MRC1: variants seen among roughly 807,000 people sequenced by gnomAD.
MRC1 encodes mannose receptor C-type 1.
Under a neutral mutation model 102.9 loss-of-function variants are expected in MRC1, and 62 were observed. The ratio of observed to expected loss-of-function variants is 0.60; its 90% confidence interval spans 0.49 to 0.74. The LOEUF (loss-of-function observed/expected upper bound fraction) is 0.74, where lower values mean the gene tolerates loss of function less well. Ranked by LOEUF, MRC1 falls within the 30% of genes least tolerant of loss-of-function variation. MRC1 has a pLI of 0.00. For synonymous variants in MRC1, 457 were observed against 298.4 expected (o/e 1.53, Z -5.48); for missense variants, 1,237 against 862.8 (o/e 1.43, Z -5.43).
intron 5 of MRC1, 53 bp from the exon 6 acceptor site, chr10:17,845,236 A>T: frequency 1.3e-6 from 1 of 780,710 alleles, no homozygotes. Context: ...GAGGGATGCT[A>T]TCTGCTGGGA....
intron 4 of MRC1, among the ~76,000 whole-genome samples, chr10:17,839,303 A>C (rs2477656): frequency 0.42 from 63,747 of 151,980 alleles, 13,527 homozygotes; most frequent in Non-Finnish European, 0.46. Context: ...TTCTTTAATC[A>C]GCGAATTATT....
chr10:17,854,282 G>A (rs1833044667), intron 8 of MRC1, among the ~76,000 whole-genome samples: 1 of 152,088 alleles, frequency 6.6e-6, no homozygotes, highest in Non-Finnish European at 1.5e-5. Flanking sequence ...ATGCATGTGT[G>A]GTACACAGTT....
At chr10:17,852,860 G>A in intron 7 of MRC1, 107 bp from the exon 8 acceptor site, 1 of 774,780 alleles carries the variant, frequency 1.3e-6, no homozygotes, top group Admixed American at 1.7e-5. Flanking sequence ...ATCATATCAA[G>A]GGAGGTAGAG....
Position 17,910,297 on chromosome 10 carries a change from G to A in MRC1, c.4203G>A (p.Thr1401=), listed in dbSNP as rs1057044241. Reference sequence around the variant, plus strand: ...TCATTGTGATCCTCCTGATTTTAACGGGTGCTGGCCTTGCCGCCTATTTCT... The same window carrying A: ...TCATTGTGATCCTCCTGATTTTAACAGGTGCTGGCCTTGCCGCCTATTTCT... ...VVIIVILLIL[T]GAGLAAYFFY... is the part of the protein sequence containing the mutation. The change falls in exon 30 of 30, where the codon ACG becomes ACA. Residue 1401 remains threonine (T), a synonymous_variant. Transcript: ENST00000569591. 9.0e-5 allele frequency: 70 copies of A among 780,654 alleles called. No homozygotes were observed. In the Middle Eastern group the frequency reaches 9.0e-4, roughly 10 times the overall value. 48.4% of individuals were successfully genotyped at this position (780,654 alleles called of 1,614,324 possible).
chr10:17,815,621 G>A (rs1168448530), intron 1 of MRC1, among the ~76,000 whole-genome samples: 1 of 151,942 alleles, frequency 6.6e-6, no homozygotes, highest in Non-Finnish European at 1.5e-5. Context: ...GGTGGTAGGA[G>A]GGAAGTTGGA....
chr10:17,848,646 A>C (rs1340581694), intron 6 of MRC1, among the ~76,000 whole-genome samples: 1 of 152,158 alleles, frequency 6.6e-6, no homozygotes, highest in Non-Finnish European at 1.5e-5. Flanking sequence ...GGGTGGTTTG[A>C]TATTAGTGTT....
At chr10:17,854,682 A>T (rs992268674) in intron 8 of MRC1, 19 of 210,594 alleles carry the variant, frequency 9.0e-5, no homozygotes, top group African/African-American at 4.3e-4. Context: ...TACAGAAAAC[A>T]TTTTATTTAT....
intron 17 of MRC1, 139 bp from the exon 18 acceptor site, chr10:17,877,761 A>G (rs1833457069): frequency 1.4e-6 from 1 of 736,284 alleles, no homozygotes; most frequent in African/African-American, 1.7e-5. Flanking sequence ...AACATAATAT[A>G]GAATGTACTA....
intron 8 of MRC1, chr10:17,854,766 G>C: frequency 4.7e-6 from 1 of 211,614 alleles, no homozygotes; most frequent in Non-Finnish European, 9.8e-6. Flanking sequence ...TTGGCTCAAT[G>C]CAACCTCTGC....
At position 17,886,874 on chromosome 10, in the gene MRC1, G is replaced by A. The variant is rs1186686816; in HGVS notation, c.3147+1439G>A. Among the ~76,000 whole-genome samples, 5 of 152,116 alleles carry A rather than the reference G, an allele frequency of 3.3e-5. No homozygotes were observed. In the South Asian group the frequency reaches 1.0e-3, roughly 32 times the overall value. ...ACAGCAGGAGTTTTATCCAGAAAAAGAAGTAGGAGTAAGCTTCAAAAGGTG... is the reference window on the plus strand; with the variant it reads ...ACAGCAGGAGTTTTATCCAGAAAAAAAAGTAGGAGTAAGCTTCAAAAGGTG... On this transcript the variant is annotated intron_variant, in intron 22 of 29. Transcript: ENST00000569591.
chr10:17,826,836 A>G (rs1450135110), intron 2 of MRC1, among the ~76,000 whole-genome samples: 2 of 151,528 alleles, frequency 1.3e-5, no homozygotes, highest in Admixed American at 6.5e-5. Context: ...GATGGTATAT[A>G]ACAGTTTTGA....
intron 22 of MRC1, among the ~76,000 whole-genome samples, chr10:17,891,674 G>A (rs1240022155): frequency 6.6e-6 from 1 of 152,178 alleles, no homozygotes; most frequent in Non-Finnish European, 1.5e-5. Flanking sequence ...TTAGTGTGAG[G>A]TTTCATGTTT....
intron 4 of MRC1, among the ~76,000 whole-genome samples, chr10:17,834,830 G>C (rs992530533): frequency 1.2e-4 from 19 of 152,202 alleles, no homozygotes; most frequent in African/African-American, 4.3e-4. Flanking sequence ...TGGGGAAACA[G>C]AGAGATTAGG....
At chr10:17,907,754 A>G (rs1833915043) in intron 28 of MRC1, 56 bp downstream of exon 28, 2 of 778,334 alleles carry the variant, frequency 2.6e-6, no homozygotes, top group East Asian at 4.9e-5. Flanking sequence ...TCTTTCAAAT[A>G]GTAAGATATC....
At chr10:17,884,777 CAG>C (rs1369789076) in intron 21 of MRC1, among the ~76,000 whole-genome samples, 22 of 152,158 alleles carry the variant, frequency 1.4e-4, no homozygotes, top group Non-Finnish European at 4.4e-5. Context: ...GGTGGGGACA[CAG>C]AGCCAAACCA....
intron 21 of MRC1, among the ~76,000 whole-genome samples, chr10:17,885,067 T>C (rs1833573397): frequency 6.6e-6 from 1 of 152,252 alleles, no homozygotes; most frequent in African/African-American, 2.4e-5. Context: ...ACTTTTATTG[T>C]ATGAAACTTT....
chr10:17,908,411 A>T (rs1038489014), intron 28 of MRC1, among the ~76,000 whole-genome samples: 1 of 151,796 alleles, frequency 6.6e-6, no homozygotes, highest in Admixed American at 6.6e-5. Context: ...AGTAGCTGGG[A>T]TTACAGGAGC....
At chr10:17,902,695 T>G (rs1833844529) in intron 26 of MRC1, among the ~76,000 whole-genome samples, 1 of 152,212 alleles carries the variant, frequency 6.6e-6, no homozygotes, top group African/African-American at 2.4e-5. Flanking sequence ...TCAAGAGTTC[T>G]CCATCCAACA....
Position 17,853,126 on chromosome 10 carries a change from T to C in MRC1, c.1407+2T>C. The C allele has an allele frequency of 1.3e-6, 1 of 780,758 alleles. No individual in the cohort carries two copies. Among genetic ancestry groups the C allele is most frequent in the Non-Finnish European group, 2.4e-6 (1 of 417,912 alleles). 48.4% of individuals were successfully genotyped at this position (780,758 alleles called of 1,614,324 possible). ...GATTGTGTGGTGATGAAAGGCAAGGTAAGGCCACTTGAATGACTGATATTT... is the reference window on the plus strand; with the variant it reads ...GATTGTGTGGTGATGAAAGGCAAGGCAAGGCCACTTGAATGACTGATATTT... On this transcript the variant is annotated splice_donor_variant, in intron 8 of 29. Transcript: ENST00000569591. LOFTEE classifies it high-confidence loss of function.
Sources: allele counts gnomAD v4.1 joint callset (sites outside exome capture counted in the v4.1 genomes callset), GRCh38; gene constraint gnomAD v4.1.1; transcripts MANE v1.5; gene names NCBI Gene and HGNC (gene_info 2026-07-23, HGNC 2026-07-21).